ERBIN: variants seen among roughly 807,000 people sequenced by gnomAD.
ERBIN encodes the protein erbb2 interacting protein.
In ERBIN, 60 loss-of-function variants were observed where a neutral mutation model predicts 158.4. The observed-to-expected ratio is 0.38, with a 90% CI of 0.31 to 0.47. The LOEUF (loss-of-function observed/expected upper bound fraction) is 0.47. Ranked by LOEUF, ERBIN falls within the 20% of genes least tolerant of loss-of-function variation. The probability of loss-of-function intolerance (pLI) is 0.99; values close to 1 mark genes in which losing one functional copy is unlikely to be tolerated. For missense variants in ERBIN, 1,610 were observed against 1,648.0 expected (o/e 0.98, Z 0.40); for synonymous variants, 594 against 557.2 (o/e 1.07, Z -0.93).
intron 7 of ERBIN, among the ~76,000 whole-genome samples, chr5:66,017,290 A>G (rs958789960): frequency 6.6e-6 from 1 of 152,046 alleles, no homozygotes; most frequent in Admixed American, 6.6e-5. Context: ...CATAGTGGCT[A>G]TATTAATTTA....
At chr5:66,025,998 T>G (rs574555777) in intron 12 of ERBIN, 21 bp downstream of exon 12, 1 of 1,561,544 alleles carries the variant, frequency 6.4e-7, no homozygotes, top group Non-Finnish European at 8.6e-7. Context: ...TTAGATTTGT[T>G]TAGATTTTTG....
intron 9 of ERBIN, 136 bp downstream of exon 9, chr5:66,023,500 T>C (rs994483935): frequency 1.9e-6 from 1 of 513,698 alleles, no homozygotes; most frequent in Non-Finnish European, 3.4e-6. Context: ...CAAATTACTT[T>C]TTTTCATGAG....
In ERBIN at chr5:66,016,771, G is replaced by A. The variant is rs144413583; in HGVS notation, c.533+2046G>A. On this transcript the variant is annotated intron_variant, in intron 7 of 25. Transcript: ENST00000284037. ...TGGGACTATAAGCATGTACCACCAC[G>A]TCTGGCTAATTTTTTGTATTTTTAG... 3.7e-3 allele frequency among the ~76,000 whole-genome samples: 561 copies of A among 152,042 alleles called. 6 individuals are homozygous for A. The highest frequency in any genetic ancestry group is 2.8e-3 in the Non-Finnish European group (189 of 67,968).
At chr5:66,039,843 A>G (rs2151194571) in intron 15 of ERBIN, among the ~76,000 whole-genome samples, 1 of 152,102 alleles carries the variant, frequency 6.6e-6, no homozygotes, top group South Asian at 2.1e-4. Flanking sequence ...AGCTCTTTAC[A>G]TTAGTTATCT....
At chr5:66,044,620 C>G (rs1758231043) in intron 17 of ERBIN, among the ~76,000 whole-genome samples, 1 of 151,924 alleles carries the variant, frequency 6.6e-6, no homozygotes, top group African/African-American at 2.4e-5. Context: ...CAAAAATTAG[C>G]TGGGCGTGGT....
intron 7 of ERBIN, among the ~76,000 whole-genome samples, chr5:66,018,567 T>TA (rs1554058876): frequency 0.013 from 131 of 9,904 alleles, 33 homozygotes; most frequent in Middle Eastern, 0.083. Flanking sequence ...ATAATATATA[T>TA]TATATTATAT....
chr5:65,932,439 A>G (rs1743558629), intron 1 of ERBIN, among the ~76,000 whole-genome samples: 1 of 152,180 alleles, frequency 6.6e-6, no homozygotes, highest in South Asian at 2.1e-4. Flanking sequence ...AGCTGTTGCA[A>G]CCATTGCTTT....
intron 21 of ERBIN, among the ~76,000 whole-genome samples, chr5:66,065,497 C>G (rs1434560393): frequency 6.6e-6 from 1 of 151,810 alleles, no homozygotes; most frequent in Non-Finnish European, 1.5e-5. Context: ...CTTCCTTTAA[C>G]CTAGGTAAGT....
intron 1 of ERBIN, among the ~76,000 whole-genome samples, chr5:65,949,529 G>C (rs1746246320): frequency 6.6e-6 from 1 of 152,224 alleles, no homozygotes; most frequent in South Asian, 2.1e-4. Context: ...AATTCCTCCA[G>C]CTAATGTTCA....
intron 1 of ERBIN, among the ~76,000 whole-genome samples, chr5:65,952,993 A>G (rs1373140730): frequency 3.3e-5 from 5 of 152,314 alleles, no homozygotes; most frequent in African/African-American, 4.8e-5. Flanking sequence ...TCGTAAGTAT[A>G]CCATAATAAG....
At chr5:65,944,626 A>G (rs150663327) in intron 1 of ERBIN, among the ~76,000 whole-genome samples, 43 of 152,070 alleles carry the variant, frequency 2.8e-4, no homozygotes, top group African/African-American at 1.0e-3. Flanking sequence ...GCTGGTCTTG[A>G]ACTCTTGGGC....
At chr5:65,997,293 G>A (rs563474396) in intron 4 of ERBIN, among the ~76,000 whole-genome samples, 58 of 152,242 alleles carry the variant, frequency 3.8e-4, no homozygotes, top group Admixed American at 7.2e-4. Context: ...TATACCTGAT[G>A]TGTTGAGAGT....
intron 1 of ERBIN, among the ~76,000 whole-genome samples, chr5:65,932,365 C>T (rs975813177): frequency 6.7e-6 from 1 of 149,692 alleles, no homozygotes; most frequent in Non-Finnish European, 1.5e-5. Context: ...AAGACATAAA[C>T]CTGGGAATAT....
intron 1 of ERBIN, among the ~76,000 whole-genome samples, chr5:65,970,627 G>C (rs984129727): frequency 1.3e-5 from 2 of 152,082 alleles, no homozygotes; most frequent in African/African-American, 4.8e-5. Context: ...TTGCTCTTTT[G>C]CTCAGAGTTG....
intron 21 of ERBIN, among the ~76,000 whole-genome samples, chr5:66,066,002 T>C (rs923004437): frequency 1.3e-5 from 2 of 152,130 alleles, no homozygotes; most frequent in African/African-American, 4.8e-5. Flanking sequence ...TTTGAGTAAT[T>C]TGCCAGTGAA....
intron 21 of ERBIN, among the ~76,000 whole-genome samples, chr5:66,060,736 T>A (rs886433282): frequency 6.6e-6 from 1 of 151,946 alleles, no homozygotes; most frequent in Non-Finnish European, 1.5e-5. Context: ...TCTGGTATGT[T>A]GTGTCTTTAT....
chr5:65,938,542 A>G (rs1404579931), intron 1 of ERBIN, among the ~76,000 whole-genome samples: 11 of 150,728 alleles, frequency 7.3e-5, no homozygotes, highest in Admixed American at 7.2e-4. Context: ...TGCCCAGGCT[A>G]GGGCTGATTC....
chr5:66,045,168 A>G (rs1190381831), intron 17 of ERBIN, among the ~76,000 whole-genome samples: 1 of 152,014 alleles, frequency 6.6e-6, no homozygotes. Flanking sequence ...GCAGTGAGCT[A>G]TGATCATGCC....
At chr5:66,019,425 G>T (rs1175602366) in intron 7 of ERBIN, among the ~76,000 whole-genome samples, 3 of 152,148 alleles carry the variant, frequency 2.0e-5, no homozygotes, top group African/African-American at 7.2e-5. Context: ...TTCCTTTGAG[G>T]AGAGGAGAAA....
Sources: allele counts gnomAD v4.1 joint callset (sites outside exome capture counted in the v4.1 genomes callset), GRCh38; gene constraint gnomAD v4.1.1; transcripts MANE v1.5; gene names NCBI Gene and HGNC (gene_info 2026-07-23, HGNC 2026-07-21).